ABHD2: variants seen among roughly 807,000 people sequenced by gnomAD.
ABHD2 encodes the protein monoacylglycerol lipase ABHD2.
A neutral mutation model predicts 48.1 loss-of-function variants in ABHD2; 20 were observed. The observed-to-expected ratio is 0.42, with a 90% CI of 0.29 to 0.60. The LOEUF (loss-of-function observed/expected upper bound fraction) is 0.60, where lower values mean the gene tolerates loss of function less well. Among genes scored for constraint, ABHD2 ranks in the 20% least tolerant of loss-of-function variants. The pLI is 0.24. For missense variants in ABHD2, 405 were observed against 550.9 expected, an observed-to-expected ratio of 0.74 and a Z score of 2.65; for synonymous variants, 209 against 214.2, an observed-to-expected ratio of 0.98 and a Z score of 0.21.
At chr15:89,128,860 C>T (rs896839362) in intron 3 of ABHD2, among the ~76,000 whole-genome samples, 1 of 152,038 alleles carries the variant, frequency 6.6e-6, no homozygotes, top group African/African-American at 2.4e-5. Flanking sequence ...GGGCTTGATC[C>T]TGTGAGCACT....
chr15:89,060,469 C>T, the ABHD2 span, among the ~76,000 whole-genome samples: 2 of 151,906 alleles, frequency 1.3e-5, no homozygotes, highest in African/African-American at 2.4e-5. Flanking sequence ...AGAGCTTTAC[C>T]ATGAAGAACA....
chr15:89,130,463 G>A (rs1480386035), intron 3 of ABHD2, among the ~76,000 whole-genome samples: 2 of 152,174 alleles, frequency 1.3e-5, no homozygotes, highest in East Asian at 3.8e-4. Flanking sequence ...GGTGTCCAAG[G>A]GAGATAATAC....
Position 89,188,231 on chromosome 15 carries a change from G to T in ABHD2, c.854G>T (p.Ser285Ile). 6.2e-7 allele frequency: 1 copy of T among 1,611,814 alleles called. No homozygotes were observed. The highest frequency in any genetic ancestry group is 8.5e-7 in the Non-Finnish European group (1 of 1,179,082). Residue 285 changes from serine (S) to isoleucine (I), a missense_variant, in exon 8 of 11, where the codon AGC becomes ATC. Coordinates refer to ENST00000352732, the MANE Select transcript of ABHD2 (RefSeq NM_152924.5). The surrounding 1 kb of genome is among the most constrained non-coding windows in gnomAD (Gnocchi z 4.1). ...GGAGACCATGTTAAGAAACCCCAGA[G>T]CCTGGAAGACACGGACTTGAGCCGG... is the stretch of plus-strand genomic sequence containing the variant. ...LFGDHVKKPQ[S>I]LEDTDLSRLY... is the part of the protein sequence containing the mutation.
At chr15:89,190,262 G>A (rs1032464666) in intron 8 of ABHD2, among the ~76,000 whole-genome samples, 17 of 152,200 alleles carry the variant, frequency 1.1e-4, no homozygotes, top group African/African-American at 3.4e-4. Context: ...TCCTGGTGTC[G>A]GAGCTCCAGA....
chr15:89,200,976 G>T lies in ABHD2; in HGVS notation c.*5553G>T, dbSNP rs544392218. ...GGGCGCCTGTAATCCCAGCTACTCG[G>T]GAGGCTGAGGTGGGAGAATTGCTTG... is the stretch of plus-strand genomic sequence containing the variant. On this transcript the variant is annotated 3_prime_UTR_variant, in exon 11 of 11. Coordinates refer to ENST00000352732, the MANE Select transcript of ABHD2 (RefSeq NM_152924.5). The T allele has an allele frequency of 1.8e-4, 91 of 512,556 alleles. No individual in the cohort carries two copies. Among genetic ancestry groups the T allele is most frequent in the African/African-American group, 1.7e-3 (88 of 50,368 alleles). 31.8% of individuals were successfully genotyped at this position (512,556 alleles called of 1,614,324 possible). A position where few individuals can be genotyped will look rare whatever the true frequency, so the allele number is the denominator to read the frequency against.
In ABHD2 at chr15:89,177,041, C is replaced by T. The variant is rs1337954233; in HGVS notation, c.722+1046C>T. ...AAAAGACACATGTGGGCCCAGGATT[C>T]AGCCTCTCCCTATGAGGCTTAAAGC... is the stretch of plus-strand genomic sequence containing the variant. On this transcript the variant is annotated intron_variant, in intron 6 of 10. Transcript: ENST00000352732. This position sits in a 1 kb window ranked among gnomAD's most constrained non-coding sequence, Gnocchi z 5.6. Among the ~76,000 whole-genome samples, 3 of 152,186 alleles carry T rather than the reference C, an allele frequency of 2.0e-5. No homozygotes were observed. The highest frequency in any genetic ancestry group is 6.5e-5 in the Admixed American group (1 of 15,284).
chr15:89,092,557 G>T lies in ABHD2; in HGVS notation c.-107+3994G>T, dbSNP rs1388225563. On this transcript the variant is annotated intron_variant, in intron 1 of 10. Coordinates refer to ENST00000352732, the MANE Select transcript of ABHD2 (RefSeq NM_152924.5). The surrounding 1 kb of genome is among the most constrained non-coding windows in gnomAD (Gnocchi z 4.4). Reference sequence around the variant, plus strand: ...AAGAAAATTTTTTAAAGGCACAAAAGGTTAACTAGTAAATACATCTGTGTG... The same window carrying T: ...AAGAAAATTTTTTAAAGGCACAAAATGTTAACTAGTAAATACATCTGTGTG... Among the ~76,000 whole-genome samples the T allele has an allele frequency of 6.6e-6, 1 of 152,164 alleles. No individual in the cohort carries two copies. Among genetic ancestry groups the T allele is most frequent in the Admixed American group, 6.5e-5 (1 of 15,272 alleles).
At chr15:89,135,336 G>A (rs1202198198) in intron 3 of ABHD2, among the ~76,000 whole-genome samples, 1 of 150,996 alleles carries the variant, frequency 6.6e-6, no homozygotes, top group Non-Finnish European at 1.5e-5. Context: ...ACTAGGCAAG[G>A]TTGGTGGCTA....
chr15:89,155,495 C>T lies in ABHD2; in HGVS notation c.499C>T (p.Pro167Ser). Residue 167 changes from proline to serine, a missense_variant, in exon 5 of 11, where the codon CCC (proline) becomes TCC (serine). By Grantham distance (74) the Pro-to-Ser change is moderately conservative. Transcript: ENST00000352732. This position sits in a 1 kb window ranked among gnomAD's most constrained non-coding sequence, Gnocchi z 4.9. ...CAVLNHLGAL[P>S]NIELTSPRMF... ...CGTGCTGAACCACCTGGGTGCCCTG[C>T]CCAACATTGAATTGACCTCGCCACG... 1 of 1,614,132 alleles carries T rather than the reference C, an allele frequency of 6.2e-7. No homozygotes were observed. Among genetic ancestry groups the T allele is most frequent in the Non-Finnish European group, 8.5e-7 (1 of 1,179,990 alleles).
the ABHD2 span, among the ~76,000 whole-genome samples, chr15:89,051,002 G>A: frequency 6.6e-6 from 1 of 152,166 alleles, no homozygotes; most frequent in African/African-American, 2.4e-5. Flanking sequence ...GTAGGCCCAG[G>A]TGGTTGGATC....
chr15:89,062,785 C>T, the ABHD2 span, among the ~76,000 whole-genome samples: 1 of 152,042 alleles, frequency 6.6e-6, no homozygotes, highest in East Asian at 1.9e-4. Flanking sequence ...AGAAGCTGTT[C>T]GATTATCACA....
At chr15:89,122,002 A>T (rs1357135942) in intron 3 of ABHD2, among the ~76,000 whole-genome samples, 3 of 151,884 alleles carry the variant, frequency 2.0e-5, no homozygotes, top group East Asian at 3.9e-4. Flanking sequence ...AATTTTTAAA[A>T]TTTTTTTTAT....
chr15:89,044,213 T>C, the ABHD2 span, among the ~76,000 whole-genome samples: 13 of 152,204 alleles, frequency 8.5e-5, no homozygotes, highest in Non-Finnish European at 1.8e-4. Context: ...TTCATCCATG[T>C]CCCTACAAAG....
At chr15:89,051,340 T>C in the ABHD2 span, among the ~76,000 whole-genome samples, 1 of 152,202 alleles carries the variant, frequency 6.6e-6, no homozygotes, top group African/African-American at 2.4e-5. Context: ...GATACAAAGA[T>C]GTGGGAAATA....
the ABHD2 span, among the ~76,000 whole-genome samples, chr15:89,049,000 C>T: frequency 1.3e-5 from 2 of 151,832 alleles, no homozygotes; most frequent in African/African-American, 4.9e-5. Flanking sequence ...TCTGTTTTTT[C>T]CCCATCTTTG....
the ABHD2 span, among the ~76,000 whole-genome samples, chr15:89,052,581 GAC>G: frequency 7.7e-6 from 1 of 130,706 alleles, no homozygotes; most frequent in East Asian, 2.4e-4. Flanking sequence ...ACACACACAC[GAC>G]ACACACACAA....
In ABHD2 at chr15:89,137,892, G is replaced by A. The variant is rs1043152951; in HGVS notation, c.195-13785G>A. Among the ~76,000 whole-genome samples, 1 of 152,234 alleles carries A rather than the reference G, an allele frequency of 6.6e-6. No individual in the cohort carries two copies. On this transcript the variant is annotated intron_variant, in intron 3 of 10. Transcript: ENST00000352732. The surrounding 1 kb of genome is among the most constrained non-coding windows in gnomAD (Gnocchi z 4.8). ...GCCTTACCTCCCCAGTAGGACTGGT[G>A]AGATGTGCACACAGGGTCTACTCCA...
At chr15:89,136,951 C>T (rs2050324060) in intron 3 of ABHD2, among the ~76,000 whole-genome samples, 2 of 152,226 alleles carry the variant, frequency 1.3e-5, no homozygotes, top group Admixed American at 1.3e-4. Context: ...GACACGGGTG[C>T]TCTGTGTTCT....
intron 5 of ABHD2, among the ~76,000 whole-genome samples, chr15:89,170,080 C>CTATTTTTT (rs2050898498): frequency 2.7e-5 from 1 of 37,484 alleles, no homozygotes; most frequent in Non-Finnish European, 5.4e-5. Context: ...AGATCAGATT[C>CTATTTTTT]TTTTTTTTTT....
Sources: allele counts gnomAD v4.1 joint callset (sites outside exome capture counted in the v4.1 genomes callset), GRCh38; gene constraint gnomAD v4.1.1; non-coding constraint Gnocchi (gnomAD v3.1); transcripts MANE v1.5; gene names NCBI Gene and HGNC (gene_info 2026-07-23, HGNC 2026-07-21).